OCA2: variants seen among roughly 807,000 people sequenced by gnomAD.
OCA2 encodes P protein.
Under a neutral mutation model 100.2 loss-of-function variants are expected in OCA2, and 77 were observed. The observed-to-expected ratio is 0.77, with a 90% CI of 0.64 to 0.93. The LOEUF is 0.93. OCA2 is among the 40% of genes least tolerant of loss of function. The pLI, the probability that OCA2 is intolerant of heterozygous loss-of-function variation, is 0.00. For synonymous variants in OCA2, 432 were observed against 439.2 expected, an observed-to-expected ratio of 0.98 and a Z score of 0.21; for missense variants, 1,062 against 1,089.1, an observed-to-expected ratio of 0.98 and a Z score of 0.35.
At chr15:27,968,576 T>A (rs927149806) in intron 14 of OCA2, among the ~76,000 whole-genome samples, 7 of 152,244 alleles carry the variant, frequency 4.6e-5, no homozygotes, top group Non-Finnish European at 1.5e-5. Flanking sequence ...TTAGAAAATA[T>A]GTGAAATCAC....
At chr15:27,992,450 C>T (rs1057135735) in intron 9 of OCA2, among the ~76,000 whole-genome samples, 1 of 152,104 alleles carries the variant, frequency 6.6e-6, no homozygotes, top group Admixed American at 6.6e-5. Context: ...CAAGGGTGGC[C>T]CCAGGAAGCA....
chr15:27,977,509 C>T (rs2041008333), intron 14 of OCA2, among the ~76,000 whole-genome samples: 2 of 152,154 alleles, frequency 1.3e-5, no homozygotes, highest in South Asian at 2.1e-4. Context: ...GGAGACCATA[C>T]AGCCCACACG....
At chr15:27,862,476 C>CT (rs1567033938) in intron 21 of OCA2, among the ~76,000 whole-genome samples, 2,738 of 141,776 alleles carry the variant, frequency 0.019, 91 homozygotes, top group African/African-American at 0.078. Flanking sequence ...CCTCCTCAGA[C>CT]ATTTTTTTTT....
intron 21 of OCA2, among the ~76,000 whole-genome samples, chr15:27,862,528 G>A (rs1037897430): frequency 3.3e-5 from 5 of 150,816 alleles, no homozygotes; most frequent in African/African-American, 1.2e-4. Flanking sequence ...AGACTGGAGT[G>A]AAGTGGTGCG....
chr15:27,924,341 A>C lies in OCA2; in HGVS notation c.2079+1786T>G, dbSNP rs369810707. On this transcript the variant is annotated intron_variant, in intron 19 of 23. Transcript: ENST00000354638. ...CATACATTTATTGAAAAAGATCTCC[A>C]TATAAGTAGACCCATGCAGTTCAAA... Among the ~76,000 whole-genome samples the C allele has an allele frequency of 1.3e-4, 20 of 152,352 alleles. 1 individual carries two copies. Among genetic ancestry groups the C allele is most frequent in the African/African-American group, 4.3e-4 (18 of 41,586 alleles).
Position 27,755,137 on chromosome 15 carries a change from T to C in OCA2, c.*251A>G. ...ACATACGTATTTTTCTGGAGGGGAA[T>C]CTTGAGTAAGTTATCTCACATCTTT... is the stretch of plus-strand genomic sequence containing the variant. On this transcript the variant is annotated 3_prime_UTR_variant, in exon 24 of 24. Coordinates refer to ENST00000354638, the MANE Select transcript of OCA2 (RefSeq NM_000275.3). 1 of 467,734 alleles carries C rather than the reference T, an allele frequency of 2.1e-6. No homozygotes were observed. Among genetic ancestry groups the C allele is most frequent in the Non-Finnish European group, 4.0e-6 (1 of 252,686 alleles). 29.0% of individuals were successfully genotyped at this position (467,734 alleles called of 1,614,324 possible). A position where few individuals can be genotyped will look rare whatever the true frequency, so the allele number is the denominator to read the frequency against.
intron 23 of OCA2, among the ~76,000 whole-genome samples, chr15:27,796,195 C>A (rs1353898413): frequency 2.0e-5 from 3 of 152,254 alleles, no homozygotes; most frequent in Admixed American, 1.3e-4. Context: ...GTTGGAACAA[C>A]ACCAAGTCCT....
intron 23 of OCA2, among the ~76,000 whole-genome samples, chr15:27,756,745 C>T (rs1161423588): frequency 6.6e-6 from 1 of 151,838 alleles, no homozygotes; most frequent in African/African-American, 2.4e-5. Context: ...GGTAAGATGC[C>T]GAGAATCTCA....
intron 14 of OCA2, among the ~76,000 whole-genome samples, chr15:27,973,070 G>A (rs1001053963): frequency 2.6e-5 from 4 of 151,722 alleles, no homozygotes; most frequent in East Asian, 1.9e-4. Flanking sequence ...GGGTTTCACC[G>A]TGTTGGCCAG....
At chr15:28,021,222 G>A (rs919878423) in intron 6 of OCA2, among the ~76,000 whole-genome samples, 2 of 152,148 alleles carry the variant, frequency 1.3e-5, no homozygotes, top group African/African-American at 4.8e-5. Context: ...AGCAGTACCG[G>A]GGGCTTCAGG....
chr15:27,952,019 A>C, intron 17 of OCA2, 127 bp from the exon 18 acceptor site: 3 of 745,556 alleles, frequency 4.0e-6, no homozygotes, highest in Non-Finnish European at 7.2e-6. Context: ...CTCGAACTTG[A>C]AAGAAAATGG....
At chr15:27,954,460 G>A (rs16950660) in intron 17 of OCA2, among the ~76,000 whole-genome samples, 1,531 of 152,286 alleles carry the variant, frequency 0.01, 28 homozygotes, top group African/African-American at 0.034. Context: ...AAATAAGCAC[G>A]ATAGATGTGA....
Position 28,081,772 on chromosome 15 carries a change from T to C in OCA2, c.103A>G (p.Lys35Glu), listed in dbSNP as rs749561420. The C allele has an allele frequency of 3.7e-6, 6 of 1,613,362 alleles. No homozygotes were observed. Among genetic ancestry groups the C allele is most frequent in the Non-Finnish European group, 3.4e-6 (4 of 1,179,864 alleles). The change falls in exon 2 of 24, where the codon AAG becomes GAG. Residue 35 changes from lysine to glutamate, a missense_variant. By Grantham distance (56) the Lys-to-Glu change is moderately conservative (BLOSUM62 1). Coordinates refer to ENST00000354638, the MANE Select transcript of OCA2 (RefSeq NM_000275.3). ...PSGLAELVAGKRRLPRGAGGA... is the reference protein window; with the variant it reads ...PSGLAELVAGERRLPRGAGGA... ...CCGGCTCCCCGAGGAAGCCTGCGCT[T>C]GCCGGCCACAAGTTCAGCGAGTCCG...
At chr15:28,058,349 A>T (rs2043769332) in intron 2 of OCA2, among the ~76,000 whole-genome samples, 1 of 152,178 alleles carries the variant, frequency 6.6e-6, no homozygotes, top group African/African-American at 2.4e-5. Context: ...TCCTCTGGGA[A>T]TTGGCCTTCC....
At chr15:27,808,984 G>A (rs2033969944) in intron 23 of OCA2, among the ~76,000 whole-genome samples, 1 of 152,100 alleles carries the variant, frequency 6.6e-6, no homozygotes, top group South Asian at 2.1e-4. Flanking sequence ...TCTGTCCTTT[G>A]ACATGACCTT....
At chr15:28,088,896 G>A (rs1489957315) in intron 1 of OCA2, among the ~76,000 whole-genome samples, 3 of 152,194 alleles carry the variant, frequency 2.0e-5, no homozygotes, top group Admixed American at 6.5e-5. Context: ...GCAGACAATC[G>A]GTCTGACCAA....
intron 21 of OCA2, among the ~76,000 whole-genome samples, chr15:27,870,555 A>C (rs1483676014): frequency 6.6e-6 from 1 of 152,132 alleles, no homozygotes; most frequent in Non-Finnish European, 1.5e-5. Context: ...AGAATGAAAG[A>C]TCTTGCCCAG....
At chr15:27,979,164 T>C (rs528177469) in intron 14 of OCA2, among the ~76,000 whole-genome samples, 2 of 152,324 alleles carry the variant, frequency 1.3e-5, no homozygotes, top group Non-Finnish European at 2.9e-5. Context: ...TATTATAAAG[T>C]AGACTTTGTG....
intron 23 of OCA2, among the ~76,000 whole-genome samples, chr15:27,837,754 G>A (rs1489013551): frequency 6.6e-6 from 1 of 151,738 alleles, no homozygotes; most frequent in Admixed American, 6.6e-5. Flanking sequence ...AGAGAAGACA[G>A]CAAACAGGCA....
Sources: allele counts gnomAD v4.1 joint callset (sites outside exome capture counted in the v4.1 genomes callset), GRCh38; gene constraint gnomAD v4.1.1; transcripts MANE v1.5; gene names NCBI Gene and HGNC (gene_info 2026-07-23, HGNC 2026-07-21).